ELAPOR2: variants seen among roughly 807,000 people sequenced by gnomAD.
ELAPOR2 encodes the protein endosome/lysosome-associated apoptosis and autophagy regulator family member 2.
A neutral mutation model predicts 120.7 loss-of-function variants in ELAPOR2; 89 were observed. That is an observed-to-expected ratio of 0.74 (90% confidence interval 0.62 to 0.88). The LOEUF is 0.88. Ranked by LOEUF, ELAPOR2 falls within the 40% of genes least tolerant of loss-of-function variation. The pLI, the probability that ELAPOR2 is intolerant of heterozygous loss-of-function variation, is 0.00. For synonymous variants in ELAPOR2, 444 were observed against 444.9 expected, an observed-to-expected ratio of 1.00 and a Z score of 0.03; for missense variants, 1,134 against 1,251.6, an observed-to-expected ratio of 0.91 and a Z score of 1.42.
chr7:86,959,441 G>C (rs1215324395), intron 2 of ELAPOR2, among the ~76,000 whole-genome samples: 1 of 152,206 alleles, frequency 6.6e-6, no homozygotes, highest in Non-Finnish European at 1.5e-5. Context: ...TCACAACTGA[G>C]TATAATATTA....
intron 1 of ELAPOR2, among the ~76,000 whole-genome samples, chr7:87,014,936 C>A (rs1793820593): frequency 6.6e-6 from 1 of 151,294 alleles, no homozygotes; most frequent in South Asian, 2.1e-4. Flanking sequence ...AAATTGTATA[C>A]ATTAAAGATG....
intron 1 of ELAPOR2, among the ~76,000 whole-genome samples, chr7:87,003,294 T>C (rs1007404972): frequency 6.6e-6 from 1 of 152,112 alleles, no homozygotes; most frequent in Non-Finnish European, 1.5e-5. Context: ...TTTCCTTGGA[T>C]CTGAGAGCTT....
rs139595249 is a variant in ELAPOR2 at position 86,899,289 on chromosome 7, A to G, written c.2559-1657T>C. 3.1e-3 allele frequency among the ~76,000 whole-genome samples: 479 copies of G among 152,266 alleles called. 1 individual carries two copies. The highest frequency in any genetic ancestry group is 3.4e-3 in the Middle Eastern group (1 of 294). On this transcript the variant is annotated intron_variant, in intron 18 of 21. Coordinates refer to ENST00000450689, the MANE Select transcript of ELAPOR2 (RefSeq NM_001142749.3). ...GCCGGAAGCTATTTGGACAGATTTT[A>G]GTAAGAACTGCTGTTTTGTTCATGA...
At chr7:87,059,228 G>A (rs1165485792) in intron 1 of ELAPOR2, 97 bp downstream of exon 1, 2 of 1,233,128 alleles carry the variant, frequency 1.6e-6, no homozygotes, top group African/African-American at 1.6e-5. Flanking sequence ...CAAAGGAAAA[G>A]GGGATGGCAA....
intron 1 of ELAPOR2, among the ~76,000 whole-genome samples, chr7:87,002,552 T>C (rs914267950): frequency 2.0e-5 from 3 of 152,102 alleles, no homozygotes; most frequent in Admixed American, 2.0e-4. Flanking sequence ...ATTTCCTCCA[T>C]GAAGGCACAC....
intron 1 of ELAPOR2, among the ~76,000 whole-genome samples, chr7:86,981,038 A>G (rs1048083309): frequency 6.6e-6 from 1 of 152,122 alleles, no homozygotes; most frequent in South Asian, 2.1e-4. Flanking sequence ...CATCAGCAGG[A>G]GATTAGAGAG....
Position 86,906,484 on chromosome 7 carries a change from T to C in ELAPOR2, c.2558+1186A>G, listed in dbSNP as rs1187926703. Among the ~76,000 whole-genome samples, 5 of 152,138 alleles carry C rather than the reference T, an allele frequency of 3.3e-5. No individual in the cohort carries two copies. In the South Asian group the frequency reaches 1.0e-3, roughly 32 times the overall value. On this transcript the variant is annotated intron_variant, in intron 18 of 21. Coordinates refer to ENST00000450689, the MANE Select transcript of ELAPOR2 (RefSeq NM_001142749.3). ...ATGCCCAAAAATAAGCCCAAAATACTGTGTTACCCCTGTAACTATTTTTAG... is the reference window on the plus strand; with the variant it reads ...ATGCCCAAAAATAAGCCCAAAATACCGTGTTACCCCTGTAACTATTTTTAG...
chr7:86,952,504 C>T (rs1584389468), intron 2 of ELAPOR2, among the ~76,000 whole-genome samples: 1 of 152,328 alleles, frequency 6.6e-6, no homozygotes, highest in African/African-American at 2.4e-5. Flanking sequence ...AATCATCATA[C>T]ATCACATCAT....
chr7:87,026,408 AT>A (rs1794245989), intron 1 of ELAPOR2, among the ~76,000 whole-genome samples: 2 of 151,974 alleles, frequency 1.3e-5, no homozygotes, highest in African/African-American at 4.8e-5. Flanking sequence ...TTTAAACAAC[AT>A]GAAATTTTTA....
At chr7:87,013,399 A>G (rs1374578276) in intron 1 of ELAPOR2, among the ~76,000 whole-genome samples, 2 of 152,198 alleles carry the variant, frequency 1.3e-5, no homozygotes, top group Non-Finnish European at 2.9e-5. Flanking sequence ...AACTCATATC[A>G]AAAAGCTATT....
In ELAPOR2 at chr7:86,891,842, T is replaced by C. The variant is rs760341855; in HGVS notation, c.2912A>G (p.Glu971Gly). 6.2e-7 allele frequency: 1 copy of C among 1,611,302 alleles called. No homozygotes were observed. Among genetic ancestry groups the C allele is most frequent in the South Asian group, 1.1e-5 (1 of 90,762 alleles). The change falls in exon 21 of 22, where the codon GAG becomes GGG. Residue 971 changes from glutamate to glycine, a missense_variant. Around this residue, in one of 3 missense-constraint regions of ELAPOR2, gnomAD observed 831 missense variants for 867.6 expected, o/e 0.96. Coordinates refer to ENST00000450689, the MANE Select transcript of ELAPOR2 (RefSeq NM_001142749.3). ...SKLVMTTNSK[E>G]CELPAADSCA... ...ACTGTCTGCAGCCGGGAGTTCACACTCTTTTGAGTTAGTCGTCATTACTAA... is the reference window on the plus strand; with the variant it reads ...ACTGTCTGCAGCCGGGAGTTCACACCCTTTTGAGTTAGTCGTCATTACTAA...
At chr7:87,006,139 G>T (rs371911039) in intron 1 of ELAPOR2, among the ~76,000 whole-genome samples, 31 of 151,990 alleles carry the variant, frequency 2.0e-4, no homozygotes, top group African/African-American at 7.5e-4. Flanking sequence ...ACATACACGG[G>T]GCTAAAATTT....
chr7:87,002,700 A>G (rs529069414), intron 1 of ELAPOR2, among the ~76,000 whole-genome samples: 1 of 152,036 alleles, frequency 6.6e-6, no homozygotes, highest in Non-Finnish European at 1.5e-5. Context: ...CTCCCACTCA[A>G]CTACCTACTG....
chr7:86,939,101 G>C (rs1790694163), intron 6 of ELAPOR2, 141 bp from the exon 7 acceptor site: 1 of 815,056 alleles, frequency 1.2e-6, no homozygotes, highest in African/African-American at 1.7e-5. Context: ...TATTCATCCA[G>C]CACTAAGAAA....
chr7:86,924,973 C>G lies in ELAPOR2; in HGVS notation c.1399+555G>C, dbSNP rs182295564. ...CATTCAACCATCACATACTGCAGAA[C>G]AAGTAAATTCCAAGCCCTCTAGGCA... On this transcript the variant is annotated intron_variant, in intron 10 of 21. Transcript: ENST00000450689. Among the ~76,000 whole-genome samples the G allele has an allele frequency of 2.0e-5, 3 of 152,138 alleles. No individual in the cohort carries two copies. In the East Asian group the frequency reaches 5.8e-4, roughly 30 times the overall value.
At chr7:87,025,413 T>A (rs972798126) in intron 1 of ELAPOR2, among the ~76,000 whole-genome samples, 13 of 152,246 alleles carry the variant, frequency 8.5e-5, no homozygotes, top group African/African-American at 2.9e-4. Context: ...AATGTCAAGC[T>A]TGGAAAGGAC....
intron 1 of ELAPOR2, among the ~76,000 whole-genome samples, chr7:86,980,390 C>A (rs1258976705): frequency 6.6e-6 from 1 of 152,148 alleles, no homozygotes; most frequent in African/African-American, 2.4e-5. Context: ...TGAGGCAGTT[C>A]CCTCTTTTAT....
At chr7:86,984,621 T>A (rs1480904971) in intron 1 of ELAPOR2, among the ~76,000 whole-genome samples, 1 of 152,220 alleles carries the variant, frequency 6.6e-6, no homozygotes, top group African/African-American at 2.4e-5. Flanking sequence ...GAAATAAAGA[T>A]GTTCTTTGTA....
intron 18 of ELAPOR2, among the ~76,000 whole-genome samples, chr7:86,903,311 T>C (rs2115973599): frequency 6.6e-6 from 1 of 152,346 alleles, no homozygotes; most frequent in Middle Eastern, 3.4e-3. Flanking sequence ...TTTTCACTTA[T>C]GCTCATAATG....
Sources: gnomAD v4.1 joint callset for allele counts (sites outside exome capture counted in the v4.1 genomes callset) on GRCh38, gnomAD v4.1.1 for gene constraint, gnomAD v4.1.1 regional missense constraint, MANE v1.5 for transcripts, NCBI Gene and HGNC (gene_info 2026-07-23, HGNC 2026-07-21) for gene names.